Variants in FRMD3 observed in about 807,000 individuals in gnomAD.
FRMD3 encodes the protein FERM domain-containing protein 3.
A neutral mutation model predicts 70.2 loss-of-function variants in FRMD3; 33 were observed. The observed-to-expected ratio is 0.47, with a 90% CI of 0.36 to 0.63. The LOEUF (loss-of-function observed/expected upper bound fraction) is 0.63. FRMD3 is among the 20% of genes least tolerant of loss of function. FRMD3 has a pLI of 0.00. For missense variants in FRMD3, 632 were observed against 711.4 expected (o/e 0.89, Z 1.27); for synonymous variants, 279 against 255.9 (o/e 1.09, Z -0.86).
chr9:83,270,536 C>G (rs997692133), intron 13 of FRMD3, among the ~76,000 whole-genome samples: 3 of 152,210 alleles, frequency 2.0e-5, no homozygotes, highest in African/African-American at 7.2e-5. Flanking sequence ...AGATACATAT[C>G]AAGTGCCTAA....
At chr9:83,464,950 A>T (rs1263336014) in intron 1 of FRMD3, among the ~76,000 whole-genome samples, 4 of 151,092 alleles carry the variant, frequency 2.6e-5, no homozygotes, top group African/African-American at 7.3e-5. Context: ...AACCCAGGAG[A>T]TTGAGGTTGC....
intron 1 of FRMD3, among the ~76,000 whole-genome samples, chr9:83,476,911 C>T (rs12343511): frequency 0.11 from 17,456 of 152,140 alleles, 1,355 homozygotes; most frequent in African/African-American, 0.22. Flanking sequence ...AGGTTCATTG[C>T]CTTTTCTCCT....
chr9:83,396,767 T>G (rs140909561), intron 1 of FRMD3, among the ~76,000 whole-genome samples: 2,400 of 152,354 alleles, frequency 0.016, 34 homozygotes, highest in Middle Eastern at 0.038. Context: ...GTCAATCAGT[T>G]AATGTGAATT....
rs1832125190 is a variant in FRMD3, at chr9:83,246,744, T to A, written c.*1174A>T. ...TTCTACAGAATCACAACAAATGGCA[T>A]GAGGGATCAAAATATTTACCTTAAA... On this transcript the variant is annotated 3_prime_UTR_variant, in exon 14 of 14. Transcript: ENST00000304195. 1.4e-5 allele frequency: 14 copies of A among 985,142 alleles called. No homozygotes were observed. Among genetic ancestry groups the A allele is most frequent in the Non-Finnish European group, 1.6e-5 (13 of 829,896 alleles). 61.0% of individuals were successfully genotyped at this position (985,142 alleles called of 1,614,324 possible).
At chr9:83,305,785 G>A (rs558510738) in intron 10 of FRMD3, among the ~76,000 whole-genome samples, 425 of 152,322 alleles carry the variant, frequency 2.8e-3, no homozygotes, top group Middle Eastern at 0.017. Context: ...AATGAGATGA[G>A]GGTAGCTTGG....
intron 2 of FRMD3, among the ~76,000 whole-genome samples, chr9:83,379,907 C>G (rs768447056): frequency 1.1e-4 from 17 of 152,164 alleles, no homozygotes; most frequent in Non-Finnish European, 2.4e-4. Flanking sequence ...GCCCAAAATA[C>G]CCTCTACATG....
At chr9:83,467,974 T>G (rs1403106850) in intron 1 of FRMD3, among the ~76,000 whole-genome samples, 1 of 151,974 alleles carries the variant, frequency 6.6e-6, no homozygotes, top group Non-Finnish European at 1.5e-5. Flanking sequence ...TACTTAGGCC[T>G]CACTCCCAGC....
intron 1 of FRMD3, among the ~76,000 whole-genome samples, chr9:83,394,228 T>G (rs76442754): frequency 6.6e-6 from 1 of 152,226 alleles, no homozygotes; most frequent in African/African-American, 2.4e-5. Context: ...GGGTGGAAAG[T>G]GTTAGTCTCC....
chr9:83,374,274 C>G (rs1340009178), intron 2 of FRMD3, among the ~76,000 whole-genome samples: 3 of 151,988 alleles, frequency 2.0e-5, no homozygotes, highest in African/African-American at 7.3e-5. Context: ...ACTGAATCGT[C>G]AAATTAGTGG....
rs969600871 is a variant in FRMD3, at chr9:83,537,785, C to G, written c.147+300G>C. Among the ~76,000 whole-genome samples the G allele has an allele frequency of 6.6e-6, 1 of 152,210 alleles. No individual in the cohort carries two copies. Among genetic ancestry groups the G allele is most frequent in the African/African-American group, 2.4e-5 (1 of 41,472 alleles). ...GTAGGGCCCAGAGGGGCCAGAGTCC[C>G]TCCGGAGGCAGCTGCCCCGCGCCCC... On this transcript the variant is annotated intron_variant, in intron 1 of 13. Coordinates refer to ENST00000304195, the MANE Select transcript of FRMD3 (RefSeq NM_174938.6). The surrounding 1 kb of genome is among the most constrained non-coding windows in gnomAD (Gnocchi z 4.1).
chr9:83,423,965 G>A (rs1384373663), intron 1 of FRMD3, among the ~76,000 whole-genome samples: 1 of 152,182 alleles, frequency 6.6e-6, no homozygotes, highest in East Asian at 1.9e-4. Flanking sequence ...TGCAAATACA[G>A]AACATCTCTA....
intron 6 of FRMD3, among the ~76,000 whole-genome samples, chr9:83,322,368 A>G (rs988056227): frequency 1.3e-5 from 2 of 152,058 alleles, no homozygotes; most frequent in Non-Finnish European, 2.9e-5. Flanking sequence ...TCTCCCAGGC[A>G]AGCAGTGTGG....
intron 1 of FRMD3, among the ~76,000 whole-genome samples, chr9:83,464,811 G>T (rs560383041): frequency 1.3e-5 from 2 of 152,188 alleles, no homozygotes; most frequent in African/African-American, 4.8e-5. Context: ...TTGAGGTCAG[G>T]AATTCAAGAC....
chr9:83,392,652 G>A (rs917781237), intron 1 of FRMD3, among the ~76,000 whole-genome samples: 8 of 152,034 alleles, frequency 5.3e-5, no homozygotes, highest in South Asian at 4.1e-4. Context: ...TTTTTCTCAT[G>A]GAAAACATGA....
At chr9:83,379,717 G>A (rs1294582334) in intron 2 of FRMD3, among the ~76,000 whole-genome samples, 4 of 152,140 alleles carry the variant, frequency 2.6e-5, no homozygotes, top group Non-Finnish European at 4.4e-5. Flanking sequence ...GTTTACTGGA[G>A]TCCACCACAG....
chr9:83,343,376 C>T (rs1307563606), intron 4 of FRMD3, 89 bp from the exon 5 acceptor site: 3 of 870,150 alleles, frequency 3.4e-6, no homozygotes, highest in Non-Finnish European at 5.7e-6. Flanking sequence ...CCATGGTGAC[C>T]AGAGCTTTTC....
chr9:83,351,040 C>G, intron 3 of FRMD3: 1 of 931,946 alleles, frequency 1.1e-6, no homozygotes, highest in Non-Finnish European at 1.3e-6. Context: ...GATCAGTTCT[C>G]AGTCTACATC....
chr9:83,565,483 C>A, the FRMD3 span, among the ~76,000 whole-genome samples: 9 of 152,304 alleles, frequency 5.9e-5, no homozygotes, highest in South Asian at 1.9e-3. Context: ...ACCCTCAGAA[C>A]AAGACTCTTC....
At chr9:83,282,692 C>T (rs1209774429) in intron 13 of FRMD3, among the ~76,000 whole-genome samples, 4 of 152,180 alleles carry the variant, frequency 2.6e-5, no homozygotes, top group Non-Finnish European at 4.4e-5. Context: ...GGTCACCTGG[C>T]TGCTTGGCAG....
Sources: allele counts gnomAD v4.1 joint callset (sites outside exome capture counted in the v4.1 genomes callset), GRCh38; gene constraint gnomAD v4.1.1; non-coding constraint Gnocchi (gnomAD v3.1); transcripts MANE v1.5; gene names NCBI Gene and HGNC (gene_info 2026-07-23, HGNC 2026-07-21).